The following OPCML variants were observed in gnomAD, a reference collection of about 807,000 sequenced individuals.
OPCML encodes opioid binding protein/cell adhesion molecule like.
OPCML carries 13 observed loss-of-function variants against 37.8 expected under a neutral mutation model. The observed-to-expected ratio is 0.34, with a 90% confidence interval of 0.22 to 0.55. OPCML has a LOEUF of 0.55. Ranked by LOEUF, OPCML falls within the 20% of genes least tolerant of loss-of-function variation. The probability of loss-of-function intolerance (pLI) is 0.91; values close to 1 mark genes in which losing one functional copy is unlikely to be tolerated. For synonymous variants in OPCML, 176 were observed against 168.8 expected (o/e 1.04, Z -0.33); for missense variants, 341 against 435.6 (o/e 0.78, Z 1.93).
chr11:133,194,077 C>T (rs182500283), intron 1 of OPCML, among the ~76,000 whole-genome samples: 1 of 152,154 alleles, frequency 6.6e-6, no homozygotes, highest in Non-Finnish European at 1.5e-5. Context: ...AGAATGTTGC[C>T]TAGTTGAGGT....
intron 1 of OPCML, among the ~76,000 whole-genome samples, chr11:132,975,819 G>A (rs1299836198): frequency 6.6e-6 from 1 of 151,964 alleles, no homozygotes; most frequent in Non-Finnish European, 1.5e-5. Context: ...CTCCCAGGCT[G>A]GAGTGCAGTG....
intron 2 of OPCML, among the ~76,000 whole-genome samples, chr11:132,920,462 C>G (rs2659628): frequency 0.53 from 80,050 of 151,958 alleles, 22,258 homozygotes; most frequent in African/African-American, 0.7. Context: ...ATGTGAAAAG[C>G]TACATCAGTT....
chr11:132,415,253 T>G lies in OPCML; in HGVS notation c.*4940A>C, dbSNP rs2136621111. The G allele has an allele frequency of 6.5e-6, 1 of 152,730 alleles. No homozygotes were observed. Among genetic ancestry groups the G allele is most frequent in the Non-Finnish European group, 1.5e-5 (1 of 68,018 alleles). 9.5% of individuals were successfully genotyped at this position (152,730 alleles called of 1,614,324 possible). A position where few individuals can be genotyped will look rare whatever the true frequency, so the allele number is the denominator to read the frequency against. On this transcript the variant is annotated 3_prime_UTR_variant, in exon 8 of 8. Transcript: ENST00000524381. ...ATTTTTAAAGCATTTGAACATAGAT[T>G]TTTTTTGAAGGATAATTGTGAGAAT...
At position 133,164,270 on chromosome 11, in the gene OPCML, C is replaced by T. The variant is rs565872885; in HGVS notation, c.62-221260G>A. On this transcript the variant is annotated intron_variant, in intron 1 of 7. Coordinates refer to ENST00000524381, the MANE Select transcript of OPCML (RefSeq NM_001012393.5). ...GTAACAGACCCTCTGAGCCTTGTTT[C>T]CCAACACACCCACCCTTTCCTTATC... is the stretch of plus-strand genomic sequence containing the variant. Among the ~76,000 whole-genome samples, 4 of 152,292 alleles carry T rather than the reference C, an allele frequency of 2.6e-5. No homozygotes were observed. In the South Asian group the frequency reaches 8.3e-4, roughly 32 times the overall value.
intron 2 of OPCML, among the ~76,000 whole-genome samples, chr11:132,941,958 G>C (rs577350698): frequency 3.3e-5 from 5 of 152,270 alleles, no homozygotes; most frequent in African/African-American, 1.2e-4. Flanking sequence ...AGGCATTTTG[G>C]CTGCAGAATC....
At position 133,310,256 on chromosome 11, in the gene OPCML, A is replaced by G. The variant is rs190439191; in HGVS notation, c.61+222008T>C. 4.7e-4 allele frequency among the ~76,000 whole-genome samples: 71 copies of G among 152,290 alleles called. 1 individual carries two copies. Among genetic ancestry groups the G allele is most frequent in the Admixed American group, 2.2e-3 (34 of 15,294 alleles). On this transcript the variant is annotated intron_variant, in intron 1 of 7. Coordinates refer to ENST00000524381, the MANE Select transcript of OPCML (RefSeq NM_001012393.5). Reference sequence around the variant, plus strand: ...TGCCTGGAAAATGACATGGGCCCATAAATGTGTACTGAACATATGTTTGCA... The same window carrying G: ...TGCCTGGAAAATGACATGGGCCCATGAATGTGTACTGAACATATGTTTGCA...
At chr11:132,955,576 A>C (rs967781885) in intron 1 of OPCML, among the ~76,000 whole-genome samples, 1 of 152,206 alleles carries the variant, frequency 6.6e-6, no homozygotes, top group Admixed American at 6.5e-5. Flanking sequence ...CATTTCTAGA[A>C]GTGCAAGGTA....
chr11:133,219,072 C>T (rs1939705514), intron 1 of OPCML, among the ~76,000 whole-genome samples: 1 of 152,122 alleles, frequency 6.6e-6, no homozygotes, highest in African/African-American at 2.4e-5. Context: ...TGTCTCTGAC[C>T]AGCTGCCTTG....
intron 3 of OPCML, among the ~76,000 whole-genome samples, chr11:132,606,470 T>C (rs1938302782): frequency 6.6e-6 from 1 of 152,156 alleles, no homozygotes; most frequent in African/African-American, 2.4e-5. Context: ...CAGGATGATG[T>C]CTGCGGGGTT....
At chr11:132,555,718 T>C (rs1296538294) in intron 3 of OPCML, among the ~76,000 whole-genome samples, 23 of 152,110 alleles carry the variant, frequency 1.5e-4, no homozygotes, top group Admixed American at 1.4e-3. Flanking sequence ...TGAGCAACCA[T>C]GCCCCCTTCA....
intron 4 of OPCML, among the ~76,000 whole-genome samples, chr11:132,526,327 A>G (rs1383562429): frequency 6.6e-6 from 1 of 152,182 alleles, no homozygotes; most frequent in Non-Finnish European, 1.5e-5. Context: ...TGTATATAAT[A>G]TAAATCCAAA....
At chr11:133,248,748 A>G (rs1941033572) in intron 1 of OPCML, among the ~76,000 whole-genome samples, 1 of 152,280 alleles carries the variant, frequency 6.6e-6, no homozygotes, top group South Asian at 2.1e-4. Context: ...AAAGGGCTGG[A>G]GTTGTGGTTG....
At chr11:133,483,618 A>G (rs1375537519) in intron 1 of OPCML, among the ~76,000 whole-genome samples, 2 of 151,842 alleles carry the variant, frequency 1.3e-5, no homozygotes, top group East Asian at 3.9e-4. Flanking sequence ...ATTTATAGAT[A>G]GATAAATAGA....
At chr11:132,777,761 G>A (rs1946856743) in intron 2 of OPCML, among the ~76,000 whole-genome samples, 1 of 152,236 alleles carries the variant, frequency 6.6e-6, no homozygotes, top group Non-Finnish European at 1.5e-5. Flanking sequence ...GAGAGGTTGG[G>A]AGCTAATTGG....
At chr11:133,102,610 C>A (rs888246206) in intron 1 of OPCML, among the ~76,000 whole-genome samples, 1 of 151,936 alleles carries the variant, frequency 6.6e-6, no homozygotes, top group Non-Finnish European at 1.5e-5. Flanking sequence ...ATTCACCAGG[C>A]GTGGTGGCAG....
At chr11:132,946,078 G>A (rs879329818) in intron 1 of OPCML, among the ~76,000 whole-genome samples, 4 of 152,128 alleles carry the variant, frequency 2.6e-5, no homozygotes, top group South Asian at 2.1e-4. Flanking sequence ...CACTGCGCCC[G>A]GCCTACTTTT....
chr11:132,727,341 G>A (rs1417464628), intron 2 of OPCML, among the ~76,000 whole-genome samples: 2 of 152,188 alleles, frequency 1.3e-5, no homozygotes, highest in Non-Finnish European at 2.9e-5. Flanking sequence ...GTGAACCGAG[G>A]TTCCCATCCT....
intron 1 of OPCML, among the ~76,000 whole-genome samples, chr11:132,983,776 A>G (rs1038981398): frequency 1.3e-5 from 2 of 152,220 alleles, no homozygotes; most frequent in African/African-American, 4.8e-5. Context: ...AAATATCAGC[A>G]CATCTTGCCC....
chr11:133,294,412 T>C (rs1306261330), intron 1 of OPCML, among the ~76,000 whole-genome samples: 1 of 152,162 alleles, frequency 6.6e-6, no homozygotes, highest in East Asian at 1.9e-4. Flanking sequence ...CCTCTTTTCC[T>C]TTCCAGTCCT....
Sources: allele counts gnomAD v4.1 joint callset (sites outside exome capture counted in the v4.1 genomes callset), GRCh38; gene constraint gnomAD v4.1.1; transcripts MANE v1.5; gene names NCBI Gene and HGNC (gene_info 2026-07-23, HGNC 2026-07-21).